Variants in MINDY2 observed in about 807,000 individuals in gnomAD.
The protein encoded by MINDY2 is MINDY lysine 48 deubiquitinase 2.
In MINDY2, 52 loss-of-function variants were observed where a neutral mutation model predicts 68.2. That is an observed-to-expected ratio of 0.76 (90% CI 0.61 to 0.96). MINDY2 has a LOEUF of 0.96. Ranked by LOEUF, MINDY2 falls within the 40% of genes least tolerant of loss-of-function variation. The pLI is 0.00. For synonymous variants in MINDY2, 372 were observed against 303.0 expected, an observed-to-expected ratio of 1.23 and a Z score of -2.36; for missense variants, 881 against 773.4, an observed-to-expected ratio of 1.14 and a Z score of -1.65.
intron 2 of MINDY2, among the ~76,000 whole-genome samples, chr15:58,801,380 TAAAAAAAAAAAA>T (rs1188514448): frequency 4.4e-5 from 1 of 22,618 alleles, no homozygotes; most frequent in African/African-American, 1.3e-4. Flanking sequence ...CCCCATCTCT[TAAAAAAAAAAAA>T]AAAAAAAAAA....
intron 5 of MINDY2, among the ~76,000 whole-genome samples, chr15:58,827,527 G>A (rs1026664965): frequency 2.0e-5 from 3 of 152,104 alleles, no homozygotes; most frequent in Admixed American, 2.0e-4. Flanking sequence ...GTAGTGGCGC[G>A]ATCTCGGCTC....
At chr15:58,838,370 C>T (rs1280618667) in intron 6 of MINDY2, among the ~76,000 whole-genome samples, 6 of 151,798 alleles carry the variant, frequency 4.0e-5, no homozygotes, top group Non-Finnish European at 7.4e-5. Flanking sequence ...TGCACTCCAG[C>T]CTGGGTGACA....
At chr15:58,854,243 C>CA (rs770015247) in intron 8 of MINDY2, among the ~76,000 whole-genome samples, 10,912 of 107,174 alleles carry the variant, frequency 0.1, 444 homozygotes, top group East Asian at 0.24. Flanking sequence ...GACTCTGTCT[C>CA]AAAAAAAAAA....
intron 1 of MINDY2, among the ~76,000 whole-genome samples, chr15:58,773,265 A>G (rs1453167891): frequency 6.6e-6 from 1 of 152,244 alleles, no homozygotes; most frequent in African/African-American, 2.4e-5. Context: ...AGCCTGGGCA[A>G]TACAGTGAGA....
At chr15:58,791,215 T>TATATATATATA (rs1901872070) in intron 2 of MINDY2, among the ~76,000 whole-genome samples, 6 of 79,584 alleles carry the variant, frequency 7.5e-5, no homozygotes, top group African/African-American at 1.1e-4. Flanking sequence ...GAAAGCAATT[T>TATATATATATA]TATATATATA....
intron 8 of MINDY2, among the ~76,000 whole-genome samples, chr15:58,853,904 C>T (rs2032954404): frequency 6.6e-6 from 1 of 150,398 alleles, no homozygotes; most frequent in Non-Finnish European, 1.5e-5. Flanking sequence ...CAAAAGGTGT[C>T]ACTTTCCTTA....
At chr15:58,833,041 AT>A (rs2031817106) in intron 6 of MINDY2, among the ~76,000 whole-genome samples, 1 of 152,030 alleles carries the variant, frequency 6.6e-6, no homozygotes, top group South Asian at 2.1e-4. Flanking sequence ...TGTCAAAAAC[AT>A]TTACTGTTTT....
Position 58,794,474 on chromosome 15 carries a change from A to G in MINDY2, c.898+6511A>G, listed in dbSNP as rs140590218. Among the ~76,000 whole-genome samples, 266 of 152,124 alleles carry G rather than the reference A, an allele frequency of 1.7e-3. 1 individual carries two copies. Among genetic ancestry groups the G allele is most frequent in the African/African-American group, 6.0e-3 (247 of 41,502 alleles). Reference sequence around the variant, plus strand: ...GGTATTGGAAGAGACATCTCCATACATATTGAAATTACCAAAAATTATGGG... The same window carrying G: ...GGTATTGGAAGAGACATCTCCATACGTATTGAAATTACCAAAAATTATGGG... On this transcript the variant is annotated intron_variant, in intron 2 of 8. Coordinates refer to ENST00000559228, the MANE Select transcript of MINDY2 (RefSeq NM_001040450.3).
At chr15:58,830,339 G>A (rs180761720) in intron 5 of MINDY2, among the ~76,000 whole-genome samples, 7 of 152,216 alleles carry the variant, frequency 4.6e-5, no homozygotes, top group East Asian at 1.9e-4. Flanking sequence ...ATTCACTAGC[G>A]TTAAACTCAC....
intron 4 of MINDY2, among the ~76,000 whole-genome samples, chr15:58,811,467 TA>T (rs1302085963): frequency 6.6e-6 from 1 of 152,166 alleles, no homozygotes; most frequent in Non-Finnish European, 1.5e-5. Flanking sequence ...GAACAACAAG[TA>T]AGAGATGGTG....
intron 3 of MINDY2, among the ~76,000 whole-genome samples, chr15:58,802,636 T>C (rs1250440607): frequency 6.6e-6 from 1 of 152,208 alleles, no homozygotes; most frequent in Admixed American, 6.5e-5. Context: ...TTTCCTTTTT[T>C]TTCTCATTCC....
At chr15:58,807,431 C>G (rs1311064920) in intron 3 of MINDY2, among the ~76,000 whole-genome samples, 1 of 148,342 alleles carries the variant, frequency 6.7e-6, no homozygotes, top group Non-Finnish European at 1.5e-5. Context: ...TCTCCACTCA[C>G]TGCAAGCTCC....
At chr15:58,819,409 C>T (rs1860838515) in intron 4 of MINDY2, among the ~76,000 whole-genome samples, 1 of 152,164 alleles carries the variant, frequency 6.6e-6, no homozygotes, top group African/African-American at 2.4e-5. Context: ...GATCACGCCA[C>T]TACATTCCAG....
rs1567048038 is a variant in MINDY2, at chr15:58,798,457, A to ATT, written c.899-3856_899-3855insTT. ...TGCCTTTTTTAATGCAGTAAAAAAA[A>ATT]ATTTTTTTTTTTTTTGAGACAGAGT... is the stretch of plus-strand genomic sequence containing the variant. On this transcript the variant is annotated intron_variant, in intron 2 of 8. Transcript: ENST00000559228. Among the ~76,000 whole-genome samples, 15 of 104,682 alleles carry ATT rather than the reference A, an allele frequency of 1.4e-4. 1 individual carries two copies. The highest frequency in any genetic ancestry group is 1.0e-3 in the Admixed American group (10 of 9,784). 68.7% of individuals were successfully genotyped at this position (104,682 alleles called of 152,430 possible). A position where few individuals can be genotyped will look rare whatever the true frequency, so the allele number is the denominator to read the frequency against.
At chr15:58,831,041 G>GTGTATA (rs565786025) in intron 5 of MINDY2, among the ~76,000 whole-genome samples, 41 of 124,916 alleles carry the variant, frequency 3.3e-4, no homozygotes, top group African/African-American at 9.9e-4. Flanking sequence ...GTGTGTGTGT[G>GTGTATA]TATATATATA....
Position 58,860,825 on chromosome 15 carries a change from T to C in MINDY2, c.*6215T>C, listed in dbSNP as rs754735334. 4.6e-5 allele frequency: 7 copies of C among 152,230 alleles called. No individual in the cohort carries two copies. The highest frequency in any genetic ancestry group is 7.3e-5 in the Non-Finnish European group (5 of 68,042). The allele number at this position is 152,230 out of a possible 1,614,324, so 9.4% of individuals were successfully genotyped here. A position where few individuals can be genotyped will look rare whatever the true frequency, so the allele number is the denominator to read the frequency against. On this transcript the variant is annotated 3_prime_UTR_variant, in exon 9 of 9. Coordinates refer to ENST00000559228, the MANE Select transcript of MINDY2 (RefSeq NM_001040450.3). ...CTCAATTTTGTCAGAATTTTTATTATTGTTTTTCACATATGTGAAATAAGC... is the reference window on the plus strand; with the variant it reads ...CTCAATTTTGTCAGAATTTTTATTACTGTTTTTCACATATGTGAAATAAGC...
chr15:58,838,906 G>T (rs2032139206), intron 6 of MINDY2, among the ~76,000 whole-genome samples: 1 of 151,702 alleles, frequency 6.6e-6, no homozygotes, highest in South Asian at 2.1e-4. Flanking sequence ...CTTTTCAGAG[G>T]ATCTTTATGC....
intron 6 of MINDY2, among the ~76,000 whole-genome samples, chr15:58,838,543 A>G (rs1351269038): frequency 3.3e-5 from 5 of 149,368 alleles, no homozygotes; most frequent in Non-Finnish European, 5.9e-5. Context: ...ATAAATATCT[A>G]TACTTCTATT....
At position 58,852,972 on chromosome 15, in the gene MINDY2, A is replaced by ATTTTTTTTTTTTTTTTTTTTTT. The variant is rs1567079858; in HGVS notation, c.1737+1007_1737+1008insTTTTTTTTTTTTTTTTTTTTTT. Reference sequence around the variant, plus strand: ...TTTTTTTTTTTTTTTTTTTTTTTTAAGACAGAGTCTCACTCTGTTGCCCAG... The same window carrying ATTTTTTTTTTTTTTTTTTTTTT: ...TTTTTTTTTTTTTTTTTTTTTTTTAATTTTTTTTTTTTTTTTTTTTTTGACAGAGTCTCACTCTGTTGCCCAG... On this transcript the variant is annotated intron_variant, in intron 8 of 8. Transcript: ENST00000559228. Among the ~76,000 whole-genome samples, 16 of 17,272 alleles carry ATTTTTTTTTTTTTTTTTTTTTT rather than the reference A, an allele frequency of 9.3e-4. 3 individuals carry two copies. Among genetic ancestry groups the ATTTTTTTTTTTTTTTTTTTTTT allele is most frequent in the Non-Finnish European group, 2.1e-3 (13 of 6,082 alleles). The allele number at this position is 17,272 out of a possible 152,430, so 11.3% of individuals were successfully genotyped here. A position where few individuals can be genotyped will look rare whatever the true frequency, so the allele number is the denominator to read the frequency against.
Sources: gnomAD v4.1 joint callset for allele counts (sites outside exome capture counted in the v4.1 genomes callset) on GRCh38, gnomAD v4.1.1 for gene constraint, MANE v1.5 for transcripts, NCBI Gene and HGNC (gene_info 2026-07-23, HGNC 2026-07-21) for gene names.